Variants in ITGBL1 observed in about 807,000 individuals in gnomAD.
The protein encoded by ITGBL1 is integrin subunit beta like 1.
In ITGBL1, 51 loss-of-function variants were observed where a neutral mutation model predicts 68.5. The observed-to-expected ratio is 0.74, with a 90% CI of 0.59 to 0.94. ITGBL1 has a LOEUF of 0.94. Ranked by LOEUF, ITGBL1 falls within the 40% of genes least tolerant of loss-of-function variation. ITGBL1 has a pLI of 0.00. For synonymous variants in ITGBL1, 209 were observed against 227.3 expected, an observed-to-expected ratio of 0.92 and a Z score of 0.72; for missense variants, 649 against 647.4, an observed-to-expected ratio of 1.00 and a Z score of -0.03.
At chr13:101,579,212 C>A in intron 4 of ITGBL1, 75 bp from the exon 5 acceptor site, 1 of 1,522,958 alleles carries the variant, frequency 6.6e-7, no homozygotes, top group South Asian at 1.2e-5. Context: ...AAAATGATCA[C>A]AAAGAGATAG....
At chr13:101,456,678 C>T (rs1357008221) in intron 2 of ITGBL1, among the ~76,000 whole-genome samples, 1 of 152,050 alleles carries the variant, frequency 6.6e-6, no homozygotes, top group African/African-American at 2.4e-5. Flanking sequence ...ACTTTGGAAG[C>T]CTGAAGCAGG....
chr13:101,673,150 T>C (rs996154188), intron 7 of ITGBL1, among the ~76,000 whole-genome samples: 2 of 152,190 alleles, frequency 1.3e-5, no homozygotes, highest in African/African-American at 4.8e-5. Context: ...AGATTCCTTA[T>C]CATAATGAGA....
chr13:101,542,255 G>A (rs1041450816), intron 2 of ITGBL1, among the ~76,000 whole-genome samples: 8 of 152,170 alleles, frequency 5.3e-5, no homozygotes, highest in Non-Finnish European at 7.4e-5. Context: ...GGTAAGTTGT[G>A]TCTTTGTTCT....
intron 2 of ITGBL1, 141 bp downstream of exon 2, chr13:101,454,241 T>A (rs562017367): frequency 2.1e-4 from 100 of 480,382 alleles, no homozygotes; most frequent in Non-Finnish European, 2.9e-4. Context: ...TGTCACACTT[T>A]GGCTAGTTAA....
chr13:101,529,652 T>C (rs1346924348), intron 2 of ITGBL1, among the ~76,000 whole-genome samples: 1 of 152,178 alleles, frequency 6.6e-6, no homozygotes, highest in Admixed American at 6.5e-5. Flanking sequence ...GGGAGGTGAT[T>C]GGATCACGGG....
chr13:101,673,826 C>T (rs1050693660), intron 7 of ITGBL1, among the ~76,000 whole-genome samples: 1 of 152,160 alleles, frequency 6.6e-6, no homozygotes, highest in East Asian at 1.9e-4. Context: ...ACACTCCCCA[C>T]AGAACTCCTG....
At chr13:101,475,653 A>G (rs1347525618) in intron 2 of ITGBL1, among the ~76,000 whole-genome samples, 1 of 152,204 alleles carries the variant, frequency 6.6e-6, no homozygotes, top group Non-Finnish European at 1.5e-5. Context: ...AAGGTCCAGG[A>G]TAAAGAAAAG....
chr13:101,560,862 T>A (rs1456476608), intron 2 of ITGBL1, among the ~76,000 whole-genome samples: 3 of 152,222 alleles, frequency 2.0e-5, no homozygotes, highest in African/African-American at 7.2e-5. Context: ...CTATAGTTAT[T>A]CTTTACCCTT....
intron 2 of ITGBL1, among the ~76,000 whole-genome samples, chr13:101,518,515 T>G (rs2049231663): frequency 6.6e-6 from 1 of 152,184 alleles, no homozygotes; most frequent in Admixed American, 6.5e-5. Flanking sequence ...ATTGCTCCTG[T>G]CATTCAGAAT....
intron 7 of ITGBL1, among the ~76,000 whole-genome samples, chr13:101,673,987 T>C (rs1254738172): frequency 6.6e-6 from 1 of 152,228 alleles, no homozygotes; most frequent in African/African-American, 2.4e-5. Flanking sequence ...GCAATGGTTT[T>C]AGAGACGTAT....
At chr13:101,532,055 C>T (rs1285134754) in intron 2 of ITGBL1, among the ~76,000 whole-genome samples, 6 of 152,096 alleles carry the variant, frequency 3.9e-5, no homozygotes, top group Non-Finnish European at 8.8e-5. Flanking sequence ...TTTTAATTTA[C>T]TCTCCAATAT....
intron 2 of ITGBL1, among the ~76,000 whole-genome samples, chr13:101,498,654 G>T (rs942672624): frequency 6.6e-6 from 1 of 152,104 alleles, no homozygotes; most frequent in Admixed American, 6.6e-5. Context: ...TAAATAATTT[G>T]TTCAGTTGTA....
chr13:101,586,124 A>G (rs1205474188), intron 6 of ITGBL1, among the ~76,000 whole-genome samples: 1 of 152,166 alleles, frequency 6.6e-6, no homozygotes, highest in Non-Finnish European at 1.5e-5. Context: ...TAGGCTGAGC[A>G]GGTGAAGTGT....
At chr13:101,543,310 C>T (rs959038111) in intron 2 of ITGBL1, among the ~76,000 whole-genome samples, 2 of 152,126 alleles carry the variant, frequency 1.3e-5, no homozygotes, top group African/African-American at 4.8e-5. Context: ...TTCTCCTTCA[C>T]TTATAAAGCT....
intron 2 of ITGBL1, chr13:101,489,983 T>C (rs756522556): frequency 6.7e-7 from 1 of 1,499,468 alleles, no homozygotes. Context: ...GTTGCAGTGA[T>C]GGGAGCATTT....
chr13:101,509,326 C>T (rs988912715), intron 2 of ITGBL1, among the ~76,000 whole-genome samples: 7 of 152,094 alleles, frequency 4.6e-5, no homozygotes, highest in African/African-American at 1.7e-4. Context: ...TGCCATGACA[C>T]CTGGGAATTG....
chr13:101,530,132 A>G (rs2139157070), intron 2 of ITGBL1, among the ~76,000 whole-genome samples: 1 of 152,288 alleles, frequency 6.6e-6, no homozygotes, highest in South Asian at 2.1e-4. Flanking sequence ...GGGAAGCATT[A>G]AAAACATAGT....
chr13:101,593,844 A>G (rs903462910), intron 6 of ITGBL1, among the ~76,000 whole-genome samples: 8 of 152,220 alleles, frequency 5.3e-5, no homozygotes, highest in Admixed American at 5.2e-4. Flanking sequence ...TCTATTATAC[A>G]GTAGGTTGAG....
chr13:101,632,724 AAGATACACAT>A (rs773540875), intron 7 of ITGBL1, among the ~76,000 whole-genome samples: 2 of 152,204 alleles, frequency 1.3e-5, no homozygotes, highest in Non-Finnish European at 2.9e-5. Context: ...ATTTGGGTGA[AAGATACACAT>A]TTTCTTTCTT....
Sources: gnomAD v4.1 joint callset for allele counts (sites outside exome capture counted in the v4.1 genomes callset) on GRCh38, gnomAD v4.1.1 for gene constraint, MANE v1.5 for transcripts, NCBI Gene and HGNC (gene_info 2026-07-23, HGNC 2026-07-21) for gene names.